Variants in CACNA1C observed in about 807,000 individuals in gnomAD.
CACNA1C encodes calcium voltage-gated channel subunit alpha1 C, also known as voltage-dependent L-type calcium channel subunit alpha-1C.
A neutral mutation model predicts 229.0 loss-of-function variants in CACNA1C; 30 were observed. The ratio of observed to expected loss-of-function variants is 0.13; its 90% CI spans 0.10 to 0.18. The LOEUF is 0.18. CACNA1C is among the 10% of genes least tolerant of loss of function. CACNA1C has a pLI of 1.00. For synonymous variants in CACNA1C, 1,114 were observed against 1,132.5 expected (o/e 0.98, Z 0.33); for missense variants, 1,658 against 2,845.0 (o/e 0.58, Z 9.49).
At chr12:2,349,374 AG>A (rs1046790740) in intron 3 of CACNA1C, among the ~76,000 whole-genome samples, 2 of 152,198 alleles carry the variant, frequency 1.3e-5, no homozygotes, top group Non-Finnish European at 2.9e-5. Context: ...ACAGACTCGC[AG>A]GGAGATTCTC....
chr12:1,979,920 C>T (rs1001944857), intron 1 of CACNA1C, among the ~76,000 whole-genome samples: 5 of 152,038 alleles, frequency 3.3e-5, no homozygotes, highest in African/African-American at 1.2e-4. Context: ...AAATTAAAAT[C>T]ACAATGAGAT....
At chr12:2,496,860 A>G (rs2099747852) in intron 7 of CACNA1C, among the ~76,000 whole-genome samples, 1 of 152,230 alleles carries the variant, frequency 6.6e-6, no homozygotes, top group Admixed American at 6.5e-5. Context: ...TAGTTTCCTT[A>G]GGAAATTACT....
At position 2,696,716 on chromosome 12, in the gene CACNA1C, T is replaced by C. The variant is rs1004541146; in HGVS notation, c.*5517T>C. On this transcript the variant is annotated 3_prime_UTR_variant, in exon 47 of 47. Transcript: ENST00000399655. ...GAATGATTCTTATTCACTGTTTGGG[T>C]CTGGAGAATTCCCATTGTGGAAATC... The C allele has an allele frequency of 2.0e-5, 3 of 151,618 alleles. No homozygotes were observed. The highest frequency in any genetic ancestry group is 7.3e-5 in the African/African-American group (3 of 41,226). 9.4% of individuals were successfully genotyped at this position (151,618 alleles called of 1,614,324 possible). A position where few individuals can be genotyped will look rare whatever the true frequency, so the allele number is the denominator to read the frequency against.
intron 3 of CACNA1C, among the ~76,000 whole-genome samples, chr12:2,441,691 A>AT (rs2099228719): frequency 6.6e-6 from 1 of 152,184 alleles, no homozygotes; most frequent in Non-Finnish European, 1.5e-5. Context: ...AAAAACACTG[A>AT]TCCCTCTTTT....
intron 5 of CACNA1C, among the ~76,000 whole-genome samples, chr12:2,463,376 A>G (rs889941678): frequency 6.6e-6 from 1 of 152,238 alleles, no homozygotes; most frequent in Admixed American, 6.5e-5. Flanking sequence ...TTTGTTAGCC[A>G]TTATAGCAGA....
At chr12:2,198,828 AT>A (rs199609879) in intron 3 of CACNA1C, among the ~76,000 whole-genome samples, 1 of 151,832 alleles carries the variant, frequency 6.6e-6, no homozygotes, top group Non-Finnish European at 1.5e-5. Context: ...ATCTTAGGTG[AT>A]TTTTTTTAAG....
intron 3 of CACNA1C, among the ~76,000 whole-genome samples, chr12:2,203,486 C>T (rs536484282): frequency 2.6e-5 from 4 of 152,304 alleles, no homozygotes; most frequent in South Asian, 2.1e-4. Context: ...CCAGAAGTCC[C>T]GCACCAGCTT....
chr12:2,184,970 G>A (rs2096952648), intron 3 of CACNA1C, among the ~76,000 whole-genome samples: 1 of 152,196 alleles, frequency 6.6e-6, no homozygotes, highest in Non-Finnish European at 1.5e-5. Flanking sequence ...AAGGCATGTG[G>A]AGCTAATATT....
At chr12:2,549,288 G>A (rs963808417) in intron 9 of CACNA1C, among the ~76,000 whole-genome samples, 1 of 152,176 alleles carries the variant, frequency 6.6e-6, no homozygotes, top group Non-Finnish European at 1.5e-5. Context: ...AAACATAATT[G>A]TGTGGACTGC....
At chr12:2,631,480 CT>C (rs2090373476) in intron 29 of CACNA1C, among the ~76,000 whole-genome samples, 1 of 152,172 alleles carries the variant, frequency 6.6e-6, no homozygotes, top group Non-Finnish European at 1.5e-5. Flanking sequence ...AATTTTAAGT[CT>C]TATGCATAGC....
chr12:2,296,425 G>A (rs2094046755), intron 3 of CACNA1C, among the ~76,000 whole-genome samples: 1 of 152,250 alleles, frequency 6.6e-6, no homozygotes, highest in Non-Finnish European at 1.5e-5. Flanking sequence ...GGCTCTGGGG[G>A]AGTCCAAGAT....
intron 3 of CACNA1C, among the ~76,000 whole-genome samples, chr12:2,226,679 G>A (rs183746593): frequency 2.0e-5 from 3 of 152,284 alleles, no homozygotes; most frequent in Non-Finnish European, 1.5e-5. Flanking sequence ...GACTCACAGT[G>A]GAAGCTAGCA....
chr12:2,535,870 A>G (rs2099853712), intron 9 of CACNA1C, among the ~76,000 whole-genome samples: 1 of 152,246 alleles, frequency 6.6e-6, no homozygotes, highest in South Asian at 2.1e-4. Context: ...GACACGCTAC[A>G]TAGCAGGGCA....
At chr12:2,483,999 C>A (rs2099687425) in intron 5 of CACNA1C, among the ~76,000 whole-genome samples, 1 of 152,108 alleles carries the variant, frequency 6.6e-6, no homozygotes, top group Non-Finnish European at 1.5e-5. Context: ...TTACTGAGTG[C>A]CCACATATGC....
intron 1 of CACNA1C, among the ~76,000 whole-genome samples, chr12:1,993,627 GGTGTGT>G (rs150056084): frequency 8.9e-5 from 13 of 146,582 alleles, no homozygotes; most frequent in African/African-American, 1.5e-4. Flanking sequence ...CTTCATTTGT[GGTGTGT>G]GTGTGTGTGT....
chr12:2,519,007 C>T (rs2099804150), intron 9 of CACNA1C, among the ~76,000 whole-genome samples: 2 of 152,234 alleles, frequency 1.3e-5, no homozygotes, highest in South Asian at 4.1e-4. Context: ...CACTCAAACC[C>T]AGGGCTCCAG....
At chr12:2,682,509 T>C (rs1164403630) in intron 42 of CACNA1C, 41 bp from the exon 43 acceptor site, 2 of 1,601,230 alleles carry the variant, frequency 1.2e-6, no homozygotes, top group African/African-American at 1.3e-5. Context: ...TGGAGGAAGG[T>C]TGGCAGTTTC....
intron 3 of CACNA1C, among the ~76,000 whole-genome samples, chr12:2,367,683 TTTAA>T (rs1193697352): frequency 1.3e-5 from 2 of 152,050 alleles, no homozygotes; most frequent in Non-Finnish European, 1.5e-5. Context: ...AAATACAAAA[TTTAA>T]TTAATTTACC....
chr12:2,420,203 G>T (rs1483875690), intron 3 of CACNA1C, among the ~76,000 whole-genome samples: 1 of 150,586 alleles, frequency 6.6e-6, no homozygotes, highest in Admixed American at 6.6e-5. Flanking sequence ...GAGCTACAGA[G>T]CCAACAGGGA....
Sources: gnomAD v4.1 joint callset for allele counts (sites outside exome capture counted in the v4.1 genomes callset) on GRCh38, gnomAD v4.1.1 for gene constraint, MANE v1.5 for transcripts, NCBI Gene and HGNC (gene_info 2026-07-23, HGNC 2026-07-21) for gene names.